SOS1: variants seen among roughly 807,000 people sequenced by gnomAD.
SOS1 encodes son of sevenless homolog 1.
SOS1 carries 25 observed loss-of-function variants against 157.6 expected under a neutral mutation model. The observed-to-expected ratio is 0.16, with a 90% CI of 0.12 to 0.22. The LOEUF (loss-of-function observed/expected upper bound fraction) is 0.22. Among genes scored for constraint, SOS1 ranks in the 10% least tolerant of loss-of-function variants. The pLI is 1.00. For synonymous variants in SOS1, 528 were observed against 534.0 expected, an observed-to-expected ratio of 0.99 and a Z score of 0.16; for missense variants, 1,237 against 1,599.1, an observed-to-expected ratio of 0.77 and a Z score of 3.86.
chr2:39,067,131 G>A (rs946846159), intron 2 of SOS1, among the ~76,000 whole-genome samples: 3 of 151,738 alleles, frequency 2.0e-5, no homozygotes, highest in Admixed American at 6.6e-5. Context: ...CTGACTCAGC[G>A]TCCTGAGTAG....
At chr2:39,008,675 T>C (rs1048730164) in intron 15 of SOS1, among the ~76,000 whole-genome samples, 1 of 152,176 alleles carries the variant, frequency 6.6e-6, no homozygotes, top group African/African-American at 2.4e-5. Context: ...CACAATTTGA[T>C]TGCATTATTT....
Position 39,022,341 on chromosome 2 carries a change from G to A in SOS1, c.1858+229C>T, listed in dbSNP as rs188648096. ...TCTAACTGGATAAATTTAGCCAAGT[G>A]ACCTCATTTTCTCATCTATAACTGA... On this transcript the variant is annotated intron_variant, in intron 10 of 22. Coordinates refer to ENST00000402219, the MANE Select transcript of SOS1 (RefSeq NM_005633.4). Among the ~76,000 whole-genome samples the A allele has an allele frequency of 3.3e-5, 5 of 151,934 alleles. No homozygotes were observed. The East Asian group carries it at 9.6e-4, about 29-fold the overall frequency.
intron 17 of SOS1, among the ~76,000 whole-genome samples, chr2:39,003,986 T>C (rs1669198455): frequency 6.6e-6 from 1 of 151,972 alleles, no homozygotes; most frequent in Non-Finnish European, 1.5e-5. Context: ...TAAAAAAAAA[T>C]TGTCTCCAGG....
chr2:39,079,738 C>G (rs2148166623), intron 1 of SOS1, among the ~76,000 whole-genome samples: 1 of 152,178 alleles, frequency 6.6e-6, no homozygotes, highest in South Asian at 2.1e-4. Flanking sequence ...CGTGATCTGC[C>G]CACCTTGGCC....
chr2:39,018,183 T>A (rs982758416), intron 10 of SOS1, among the ~76,000 whole-genome samples: 1 of 151,860 alleles, frequency 6.6e-6, no homozygotes, highest in South Asian at 2.1e-4. Context: ...TAGAAAAAAA[T>A]TAAAAATAGC....
chr2:38,988,737 C>T (rs903879941), intron 21 of SOS1, among the ~76,000 whole-genome samples: 1 of 152,002 alleles, frequency 6.6e-6, no homozygotes, highest in Non-Finnish European at 1.5e-5. Context: ...AATTTAGTGA[C>T]TTGTTAGTTT....
intron 1 of SOS1, among the ~76,000 whole-genome samples, chr2:39,074,009 T>C (rs2148153234): frequency 6.6e-6 from 1 of 152,306 alleles, no homozygotes; most frequent in Admixed American, 6.5e-5. Flanking sequence ...CTTATCACTC[T>C]GAGGTTAAAA....
intron 6 of SOS1, among the ~76,000 whole-genome samples, chr2:39,045,530 C>G (rs1670748557): frequency 6.6e-6 from 1 of 151,942 alleles, no homozygotes; most frequent in Non-Finnish European, 1.5e-5. Flanking sequence ...GGAAGTGTTT[C>G]TCTTTTTTCC....
In SOS1 at chr2:39,007,014, C is replaced by T. The variant is rs916673118; in HGVS notation, c.2673+17G>A. ...AGGGAATGAAAGTTCATTTTAAAAA[C>T]ACATGTAGAAACCTACCTCAAATGT... On this transcript the variant is annotated intron_variant, in intron 16 of 22. Coordinates refer to ENST00000402219, the MANE Select transcript of SOS1 (RefSeq NM_005633.4). The T allele has an allele frequency of 1.3e-6, 2 of 1,570,064 alleles. No homozygotes were observed. Among genetic ancestry groups the T allele is most frequent in the African/African-American group, 1.4e-5 (1 of 73,968 alleles).
chr2:39,061,102 A>C (rs1671384939), intron 2 of SOS1, among the ~76,000 whole-genome samples: 1 of 152,162 alleles, frequency 6.6e-6, no homozygotes, highest in South Asian at 2.1e-4. Flanking sequence ...GAAAATCTCG[A>C]ATGATTTTTA....
intron 17 of SOS1, 91 bp from the exon 18 acceptor site, chr2:38,997,516 C>A: frequency 1.2e-6 from 1 of 807,142 alleles, no homozygotes; most frequent in Non-Finnish European, 2.0e-6. Flanking sequence ...TACACTGTAC[C>A]ATCTCAGTTG....
chr2:39,124,864 C>G (rs772508803), upstream of SOS1, among the ~76,000 whole-genome samples: 1 of 152,122 alleles, frequency 6.6e-6, no homozygotes, highest in Non-Finnish European at 1.5e-5. Flanking sequence ...CCTTTTTTCT[C>G]TAATGCCGCC....
At chr2:38,999,045 C>A (rs1266571503) in intron 17 of SOS1, among the ~76,000 whole-genome samples, 1 of 151,958 alleles carries the variant, frequency 6.6e-6, no homozygotes, top group Non-Finnish European at 1.5e-5. Context: ...GCTATGAGAG[C>A]AAAAAGGAGG....
Position 39,022,942 on chromosome 2 carries a change from T to A in SOS1, c.1486A>T (p.Met496Leu). ...TTATCATTAATTTGTACCTTTCGCA[T>A]AAAAAACTTTTCTTTAAGACGATAT... ...AEYRLKEKFF[M>L]RKVQINDKDD... Residue 496 changes from methionine to leucine, a missense_variant, in exon 10 of 23, where the codon ATG becomes TTG. Physicochemically the swap from Met to Leu is conservative, Grantham distance 15 (BLOSUM62 2). Transcript: ENST00000402219. 6.2e-7 allele frequency: 1 copy of A among 1,613,708 alleles called. No homozygotes were observed. The highest frequency in any genetic ancestry group is 8.5e-7 in the Non-Finnish European group (1 of 1,179,736).
intron 17 of SOS1, among the ~76,000 whole-genome samples, chr2:38,999,393 T>C (rs1669015906): frequency 6.6e-6 from 1 of 152,222 alleles, no homozygotes; most frequent in Non-Finnish European, 1.5e-5. Flanking sequence ...ACAGAAATCT[T>C]TGGCCACATC....
chr2:39,030,871 C>T (rs913083077), intron 8 of SOS1, among the ~76,000 whole-genome samples: 2 of 151,920 alleles, frequency 1.3e-5, no homozygotes, highest in Admixed American at 6.6e-5. Flanking sequence ...GAAAGGAAAG[C>T]GAGATTTGGA....
chr2:39,002,806 T>C (rs1273862581), intron 17 of SOS1, among the ~76,000 whole-genome samples: 1 of 152,172 alleles, frequency 6.6e-6, no homozygotes, highest in African/African-American at 2.4e-5. Context: ...GGCTCACACC[T>C]GTAATCCTAG....
At chr2:39,090,590 A>G (rs566115935) in intron 1 of SOS1, among the ~76,000 whole-genome samples, 8 of 151,394 alleles carry the variant, frequency 5.3e-5, no homozygotes, top group African/African-American at 1.9e-4. Flanking sequence ...CAGCTACTAG[A>G]CAGGCTGAGG....
At chr2:38,994,506 G>C (rs1291824395) in intron 20 of SOS1, among the ~76,000 whole-genome samples, 2 of 152,182 alleles carry the variant, frequency 1.3e-5, no homozygotes, top group Admixed American at 1.3e-4. Context: ...GTGGAGAGTA[G>C]ATGGTGTACC....
Sources: allele counts gnomAD v4.1 joint callset (sites outside exome capture counted in the v4.1 genomes callset), GRCh38; gene constraint gnomAD v4.1.1; transcripts MANE v1.5; gene names NCBI Gene and HGNC (gene_info 2026-07-23, HGNC 2026-07-21).